The following MTCH2 variants were observed in gnomAD, a reference collection of about 807,000 sequenced individuals.
MTCH2 encodes the protein mitochondrial carrier 2.
A neutral mutation model predicts 50.6 loss-of-function variants in MTCH2; 25 were observed. The observed-to-expected ratio is 0.49, with a 90% confidence interval of 0.36 to 0.69. The LOEUF is 0.69. MTCH2 is among the 30% of genes least tolerant of loss of function. MTCH2 has a pLI of 0.00. For missense variants in MTCH2, 273 were observed against 384.4 expected (o/e 0.71, Z 2.42); for synonymous variants, 106 against 132.0 (o/e 0.80, Z 1.35).
At chr11:47,606,182 T>G in the MTCH2 span, among the ~76,000 whole-genome samples, 1 of 152,132 alleles carries the variant, frequency 6.6e-6, no homozygotes, top group Admixed American at 6.6e-5. Context: ...TCTCTTATCT[T>G]TTCTTCTATT....
chr11:47,624,253 A>C (rs1390999847), intron 11 of MTCH2, among the ~76,000 whole-genome samples: 2 of 151,526 alleles, frequency 1.3e-5, no homozygotes, highest in African/African-American at 2.4e-5. Context: ...AAAAAAGGCA[A>C]AATTTTGCCC....
downstream of MTCH2, chr11:47,617,264 A>C (rs1286730769): frequency 6.6e-6 from 1 of 152,200 alleles, no homozygotes; most frequent in Admixed American, 6.5e-5. Context: ...ATGCTTCTCA[A>C]CTAGGAATAG....
At chr11:47,638,022 C>A (rs1425811879) in intron 3 of MTCH2, among the ~76,000 whole-genome samples, 1 of 152,170 alleles carries the variant, frequency 6.6e-6, no homozygotes, top group Non-Finnish European at 1.5e-5. Context: ...ATAGATCCTT[C>A]TTCTTGACTG....
chr11:47,615,181 G>A (rs769825589), downstream of MTCH2, among the ~76,000 whole-genome samples: 1 of 151,912 alleles, frequency 6.6e-6, no homozygotes, highest in African/African-American at 2.4e-5. Context: ...GGCACTACAG[G>A]TGCACACCAC....
downstream of MTCH2, among the ~76,000 whole-genome samples, chr11:47,615,789 C>A (rs202134129): frequency 4.7e-4 from 1 of 2,118 alleles, no homozygotes; most frequent in African/African-American, 5.9e-4. Context: ...CCCGCCACCA[C>A]GCCTAATTTT....
At position 47,620,195 on chromosome 11, in the gene MTCH2, G is replaced by A. The variant is rs150849033; in HGVS notation, c.826-1276C>T. 6.1e-3 allele frequency among the ~76,000 whole-genome samples: 924 copies of A among 152,130 alleles called. 3 individuals carry two copies. The highest frequency in any genetic ancestry group is 9.4e-3 in the Non-Finnish European group (637 of 68,002). On this transcript the variant is annotated intron_variant, in intron 12 of 12. Coordinates refer to ENST00000302503, the MANE Select transcript of MTCH2 (RefSeq NM_014342.4). ...AATGCTAAATGATGAGTTAATGGGT[G>A]CAGCACACCAACACGGCACATGTAT...
At chr11:47,636,361 G>C (rs986875875) in intron 3 of MTCH2, among the ~76,000 whole-genome samples, 1 of 150,860 alleles carries the variant, frequency 6.6e-6, no homozygotes, top group East Asian at 1.9e-4. Context: ...TTGAACCCGG[G>C]GGGTAAAGAC....
chr11:47,612,470 C>T (rs963422940), downstream of MTCH2, among the ~76,000 whole-genome samples: 2 of 152,018 alleles, frequency 1.3e-5, no homozygotes, highest in South Asian at 2.1e-4. Context: ...TGGGGGCTGA[C>T]GCAGAATGGT....
At position 47,628,950 on chromosome 11, in the gene MTCH2, T is replaced by C; in HGVS notation, c.633+3A>G. ...AGCACATCTCACGAAGGTCACAACC[T>C]ACCCCACTGTCCAGTGCATAGGTAT... On this transcript the variant is annotated splice_donor_region_variant and intron_variant, in intron 9 of 12. Transcript: ENST00000302503. The C allele has an allele frequency of 6.2e-7, 1 of 1,612,660 alleles. No homozygotes were observed. The highest frequency in any genetic ancestry group is 8.5e-7 in the Non-Finnish European group (1 of 1,178,940).
chr11:47,633,660 C>T (rs1030204696), intron 5 of MTCH2, among the ~76,000 whole-genome samples: 1 of 149,912 alleles, frequency 6.7e-6, no homozygotes, highest in Non-Finnish European at 1.5e-5. Context: ...CCTCAGCCCC[C>T]CAAGTAGCTG....
rs1204512765 is a variant in MTCH2, at chr11:47,638,797, T to C, written c.181A>G (p.Ile61Val). 2.5e-6 allele frequency: 4 copies of C among 1,614,154 alleles called. No individual in the cohort carries two copies. In the South Asian group the frequency reaches 4.4e-5, roughly 18 times the overall value. The change falls in exon 3 of 13, where the codon ATT (isoleucine) becomes GTT (valine). Residue 61 changes from isoleucine (I) to valine (V), a missense_variant. By Grantham distance (29) the Ile-to-Val change is conservative. Coordinates refer to ENST00000302503, the MANE Select transcript of MTCH2 (RefSeq NM_014342.4). ...LPGLFSYAQH[I>V]ASIDGRRGLF... ...CCGCGCCTCCCATCGATACTGGCAA[T>C]GTGCTGAGCTAAGAACACAAGTCAG...
chr11:47,625,017 G>A (rs921782456), intron 11 of MTCH2, among the ~76,000 whole-genome samples: 3 of 152,106 alleles, frequency 2.0e-5, no homozygotes, highest in South Asian at 4.1e-4. Context: ...GAATCCAGGA[G>A]GTGTCTGTTG....
chr11:47,608,913 G>A, the MTCH2 span, among the ~76,000 whole-genome samples: 596 of 145,128 alleles, frequency 4.1e-3, 3 homozygotes, highest in Middle Eastern at 0.027. Flanking sequence ...AGCCGAGATC[G>A]TGCCACTGCC....
downstream of MTCH2, among the ~76,000 whole-genome samples, chr11:47,615,717 C>T (rs2097288010): frequency 6.6e-6 from 1 of 151,524 alleles, no homozygotes. Flanking sequence ...ACTGCAACCT[C>T]CACCTTCCGA....
chr11:47,614,011 A>T (rs2097286932), downstream of MTCH2, among the ~76,000 whole-genome samples: 1 of 152,128 alleles, frequency 6.6e-6, no homozygotes, highest in African/African-American at 2.4e-5. Context: ...GCTTGAACCC[A>T]GGAGGTGGAG....
chr11:47,625,208 G>A (rs1355384324), intron 11 of MTCH2, among the ~76,000 whole-genome samples: 1 of 151,952 alleles, frequency 6.6e-6, no homozygotes, highest in Non-Finnish European at 1.5e-5. Flanking sequence ...ATCACTTGAG[G>A]TCAGGAGTTC....
chr11:47,628,905 G>A, intron 9 of MTCH2, 48 bp downstream of exon 9: 1 of 1,529,708 alleles, frequency 6.5e-7, no homozygotes, highest in African/African-American at 1.4e-5. Flanking sequence ...TAATCTAGCT[G>A]CCAGATTAAA....
intron 3 of MTCH2, among the ~76,000 whole-genome samples, chr11:47,637,500 T>G (rs539858910): frequency 6.7e-6 from 1 of 149,560 alleles, no homozygotes; most frequent in South Asian, 2.1e-4. Context: ...AAGCAAGAGG[T>G]TTTTTTTTTC....
chr11:47,607,992 C>G, the MTCH2 span, among the ~76,000 whole-genome samples: 2 of 152,208 alleles, frequency 1.3e-5, no homozygotes, highest in Non-Finnish European at 2.9e-5. Context: ...CAGAAAAATA[C>G]TGGGACGCAA....
Sources: gnomAD v4.1 joint callset for allele counts (sites outside exome capture counted in the v4.1 genomes callset) on GRCh38, gnomAD v4.1.1 for gene constraint, MANE v1.5 for transcripts, NCBI Gene and HGNC (gene_info 2026-07-23, HGNC 2026-07-21) for gene names.